Variants in WWOX observed in about 807,000 individuals in gnomAD.
WWOX encodes the protein WW domain-containing oxidoreductase.
WWOX carries 69 observed loss-of-function variants against 46.2 expected under a neutral mutation model. That is an observed-to-expected ratio of 1.49 (90% CI 1.23 to 1.82). The LOEUF (loss-of-function observed/expected upper bound fraction) is 1.82. WWOX is among the 40% of genes most tolerant of loss of function. WWOX has a pLI of 0.00. For synonymous variants in WWOX, 359 were observed against 202.6 expected (o/e 1.77, Z -6.56); for missense variants, 919 against 542.6 (o/e 1.69, Z -6.89).
At chr16:78,940,334 G>T (rs2045826901) in intron 8 of WWOX, among the ~76,000 whole-genome samples, 1 of 152,148 alleles carries the variant, frequency 6.6e-6, no homozygotes, top group Non-Finnish European at 1.5e-5. Context: ...CGCTATAGAA[G>T]AAGAAAAATA....
chr16:78,237,550 C>G (rs546809625), intron 5 of WWOX: 1 of 152,144 alleles, frequency 6.6e-6, no homozygotes, highest in Non-Finnish European at 1.5e-5. Context: ...GGTTCTCACT[C>G]TGGGAGAGGC....
chr16:79,078,143 G>C (rs2048695092), intron 8 of WWOX: 1 of 152,082 alleles, frequency 6.6e-6, no homozygotes, highest in Non-Finnish European at 1.5e-5. Flanking sequence ...ATAAAACTTG[G>C]GAGCCGATGG....
chr16:79,189,178 T>G (rs1050835620), intron 8 of WWOX, among the ~76,000 whole-genome samples: 3 of 152,202 alleles, frequency 2.0e-5, no homozygotes, highest in Non-Finnish European at 4.4e-5. Flanking sequence ...TCTGTCGTCT[T>G]CCATAATGGC....
intron 8 of WWOX, among the ~76,000 whole-genome samples, chr16:79,200,441 G>A (rs1235327679): frequency 6.6e-6 from 1 of 152,128 alleles, no homozygotes; most frequent in Non-Finnish European, 1.5e-5. Flanking sequence ...CCAGACCTCA[G>A]TTTGAATCTG....
intron 8 of WWOX, among the ~76,000 whole-genome samples, chr16:78,858,376 ATATG>A (rs1457124733): frequency 1.3e-5 from 2 of 151,992 alleles, no homozygotes; most frequent in African/African-American, 2.4e-5. Flanking sequence ...GTATGTATAT[ATATG>A]TATGTATCTG....
At chr16:78,838,020 C>T (rs540106454) in intron 8 of WWOX, among the ~76,000 whole-genome samples, 1 of 152,282 alleles carries the variant, frequency 6.6e-6, no homozygotes, top group East Asian at 1.9e-4. Context: ...AGGCTATTCT[C>T]ATTTTGAGAA....
At chr16:78,880,686 T>C (rs954806415) in intron 8 of WWOX, among the ~76,000 whole-genome samples, 1 of 152,238 alleles carries the variant, frequency 6.6e-6, no homozygotes, top group Non-Finnish European at 1.5e-5. Context: ...GATGTACTCT[T>C]GCTGGCGGTC....
At chr16:78,138,665 G>A (rs1193864414) in intron 4 of WWOX, among the ~76,000 whole-genome samples, 2 of 152,158 alleles carry the variant, frequency 1.3e-5, no homozygotes, top group African/African-American at 4.8e-5. Context: ...ACACACTGGG[G>A]ACAGCCCACC....
At chr16:79,200,639 T>C (rs565387740) in intron 8 of WWOX, among the ~76,000 whole-genome samples, 1 of 152,186 alleles carries the variant, frequency 6.6e-6, no homozygotes, top group East Asian at 1.9e-4. Context: ...CGTCGTCTTT[T>C]TTTTTGGCCA....
intron 8 of WWOX, among the ~76,000 whole-genome samples, chr16:78,661,898 G>T (rs1597409295): frequency 6.6e-6 from 1 of 152,290 alleles, no homozygotes; most frequent in South Asian, 2.1e-4. Context: ...CAAAAAATCA[G>T]CTGGGCGTGG....
At chr16:78,619,614 A>G (rs1272279536) in intron 8 of WWOX, among the ~76,000 whole-genome samples, 2 of 151,816 alleles carry the variant, frequency 1.3e-5, no homozygotes, top group African/African-American at 4.8e-5. Context: ...TAGTAAAAAG[A>G]ACCATGTGAA....
At chr16:78,462,622 C>T (rs907412372) in intron 8 of WWOX, among the ~76,000 whole-genome samples, 3 of 152,170 alleles carry the variant, frequency 2.0e-5, no homozygotes, top group African/African-American at 4.8e-5. Context: ...GTCTCCAAGT[C>T]GCCCTTAGCG....
chr16:79,040,092 C>T (rs2047941622), intron 8 of WWOX, among the ~76,000 whole-genome samples: 2 of 152,262 alleles, frequency 1.3e-5, no homozygotes, highest in Admixed American at 1.3e-4. Flanking sequence ...AATAATCATT[C>T]CTACCCCATA....
intron 8 of WWOX, among the ~76,000 whole-genome samples, chr16:78,497,301 A>G (rs1016565232): frequency 2.0e-5 from 3 of 152,224 alleles, no homozygotes; most frequent in African/African-American, 7.2e-5. Context: ...ACCTCACACC[A>G]TATAGAAAAA....
chr16:78,933,981 C>T (rs1466639390), intron 8 of WWOX, among the ~76,000 whole-genome samples: 1 of 151,858 alleles, frequency 6.6e-6, no homozygotes, highest in Non-Finnish European at 1.5e-5. Context: ...TACTTGAGGC[C>T]AGGAGTTTGG....
intron 8 of WWOX, among the ~76,000 whole-genome samples, chr16:78,841,371 T>C (rs2052144736): frequency 6.6e-6 from 1 of 152,222 alleles, no homozygotes. Flanking sequence ...GACATGCCCT[T>C]AGCGAGCAGC....
At chr16:79,189,099 G>C (rs988246804) in intron 8 of WWOX, among the ~76,000 whole-genome samples, 1 of 152,148 alleles carries the variant, frequency 6.6e-6, no homozygotes, top group African/African-American at 2.4e-5. Flanking sequence ...ACAAAAACTT[G>C]TCTGCTAGAA....
chr16:78,248,549 A>G (rs1449848684), intron 5 of WWOX, among the ~76,000 whole-genome samples: 1 of 152,098 alleles, frequency 6.6e-6, no homozygotes, highest in Non-Finnish European at 1.5e-5. Context: ...CATCCTGCAC[A>G]ATACGGTGAA....
intron 8 of WWOX, among the ~76,000 whole-genome samples, chr16:78,517,205 G>GA (rs2151493385): frequency 6.6e-6 from 1 of 152,242 alleles, no homozygotes; most frequent in East Asian, 1.9e-4. Context: ...ACATATCAAG[G>GA]AGCTTATCAT....
Sources: allele counts gnomAD v4.1 joint callset (sites outside exome capture counted in the v4.1 genomes callset), GRCh38; gene constraint gnomAD v4.1.1; transcripts MANE v1.5; gene names NCBI Gene and HGNC (gene_info 2026-07-23, HGNC 2026-07-21).